The following CIB1 variants were observed in gnomAD, a reference collection of about 807,000 sequenced individuals.
CIB1 encodes calcium and integrin-binding protein 1.
In CIB1, 19 loss-of-function variants were observed where a neutral mutation model predicts 25.0. The ratio of observed to expected loss-of-function variants is 0.76; its 90% CI spans 0.53 to 1.12. The LOEUF (loss-of-function observed/expected upper bound fraction) is 1.12, where lower values mean the gene tolerates loss of function less well. CIB1 is among the 50% of genes most tolerant of loss of function. The pLI is 0.00. For synonymous variants in CIB1, 104 were observed against 98.5 expected (o/e 1.06, Z -0.33); for missense variants, 236 against 242.6 (o/e 0.97, Z 0.18).
At chr15:90,261,936 G>A in the CIB1 span, 1 of 1,284,194 alleles carries the variant, frequency 7.8e-7, no homozygotes, top group Non-Finnish European at 1.0e-6. Flanking sequence ...CCAAACCTTA[G>A]TCAGTCTTCC....
At chr15:90,251,824 G>GAAA in the CIB1 span, among the ~76,000 whole-genome samples, 57 of 130,616 alleles carry the variant, frequency 4.4e-4, 1 homozygote, top group South Asian at 0.011. Context: ...CAGTAAACAA[G>GAAA]AAAAAAAAAA....
chr15:90,254,768 C>A, the CIB1 span, among the ~76,000 whole-genome samples: 2 of 152,060 alleles, frequency 1.3e-5, no homozygotes, highest in Non-Finnish European at 2.9e-5. Flanking sequence ...ATCTCTTGAG[C>A]CTGGGAGGCA....
At chr15:90,253,617 A>T in the CIB1 span, among the ~76,000 whole-genome samples, 1 of 152,138 alleles carries the variant, frequency 6.6e-6, no homozygotes, top group Non-Finnish European at 1.5e-5. Context: ...GCTTGGTGGC[A>T]TCTGTGTGTA....
chr15:90,262,597 A>G, the CIB1 span: 1 of 1,534,296 alleles, frequency 6.5e-7, no homozygotes, highest in Non-Finnish European at 8.7e-7. Context: ...CTGGGGAGAA[A>G]AGCCGACCCA....
chr15:90,240,663 A>G, the CIB1 span, among the ~76,000 whole-genome samples: 921 of 151,604 alleles, frequency 6.1e-3, 7 homozygotes, highest in African/African-American at 0.021. Flanking sequence ...AAATACAAAA[A>G]TTACCCGGGC....
At chr15:90,258,704 T>G in the CIB1 span, 2 of 1,554,200 alleles carry the variant, frequency 1.3e-6, no homozygotes, top group Non-Finnish European at 1.8e-6. Context: ...CCTGCTCAGG[T>G]GGTCTGGGAA....
At chr15:90,251,174 C>G in the CIB1 span, among the ~76,000 whole-genome samples, 4 of 131,144 alleles carry the variant, frequency 3.1e-5, no homozygotes, top group Non-Finnish European at 6.2e-5. Flanking sequence ...AGTACAGTGG[C>G]GTGATCTCGG....
At chr15:90,250,088 G>C in the CIB1 span, among the ~76,000 whole-genome samples, 8 of 151,712 alleles carry the variant, frequency 5.3e-5, no homozygotes, top group African/African-American at 1.7e-4. Context: ...CTCCCGAGTA[G>C]CTGGGATTAC....
At chr15:90,246,809 A>G in the CIB1 span, among the ~76,000 whole-genome samples, 1 of 122,364 alleles carries the variant, frequency 8.2e-6, no homozygotes, top group Non-Finnish European at 1.8e-5. Context: ...AAAAAAAAAA[A>G]AAAAAAAAAA....
chr15:90,256,397 C>A, the CIB1 span: 1 of 1,451,980 alleles, frequency 6.9e-7, no homozygotes, highest in Non-Finnish European at 9.5e-7. Context: ...TAGGCTTCTA[C>A]CCTTCCCACT....
chr15:90,257,961 G>A, the CIB1 span: 1 of 1,390,790 alleles, frequency 7.2e-7, no homozygotes, highest in African/African-American at 1.4e-5. Flanking sequence ...ATTAGCGTTA[G>A]TGTGAGGGAG....
At chr15:90,256,188 A>T in the CIB1 span, 1 of 1,614,178 alleles carries the variant, frequency 6.2e-7, no homozygotes, top group East Asian at 2.2e-5. Flanking sequence ...GCCCGCACAT[A>T]TATCTGCAAG....
chr15:90,251,114 C>CTTTGTTTTTTTTTTT, the CIB1 span, among the ~76,000 whole-genome samples: 1 of 104,672 alleles, frequency 9.6e-6, no homozygotes, highest in African/African-American at 3.7e-5. Context: ...CCTGGTCTGT[C>CTTTGTTTTTTTTTTT]TTTTTTTTTT....
chr15:90,246,304 C>CTTATGA, the CIB1 span, among the ~76,000 whole-genome samples: 1 of 151,826 alleles, frequency 6.6e-6, no homozygotes. Context: ...AAACGATAAT[C>CTTATGA]AGAACTCTTC....
the CIB1 span, chr15:90,262,630 C>T: frequency 3.3e-6 from 5 of 1,520,942 alleles, no homozygotes; most frequent in African/African-American, 6.9e-5. Context: ...AGAGCCTTTC[C>T]ACCCACTTGG....
At chr15:90,248,151 A>C in the CIB1 span, among the ~76,000 whole-genome samples, 54,887 of 151,622 alleles carry the variant, frequency 0.36, 11,276 homozygotes, top group East Asian at 0.69. Flanking sequence ...AGAGATCCTC[A>C]CACCTCAGTC....
At chr15:90,263,672 C>T in the CIB1 span, 1 of 605,564 alleles carries the variant, frequency 1.7e-6, no homozygotes, top group Non-Finnish European at 2.9e-6. Context: ...TTTTCAGTTA[C>T]CTCCTTCTTC....
chr15:90,263,336 G>T, the CIB1 span: 2 of 554,664 alleles, frequency 3.6e-6, no homozygotes, highest in South Asian at 2.6e-5. Context: ...AAGCTCCTTT[G>T]TTTTAGATAT....
At chr15:90,242,272 TTTTTTTA>T in the CIB1 span, 19 of 320,496 alleles carry the variant, frequency 5.9e-5, no homozygotes, top group African/African-American at 4.3e-4. Flanking sequence ...TTTTTTTTTT[TTTTTTTA>T]ACGATTAGGT....
Sources: allele counts gnomAD v4.1 joint callset (sites outside exome capture counted in the v4.1 genomes callset), GRCh38; gene constraint gnomAD v4.1.1; transcripts MANE v1.5; gene names NCBI Gene and HGNC (gene_info 2026-07-23, HGNC 2026-07-21).